Variants in CAMK2A observed in about 807,000 individuals in gnomAD.
CAMK2A encodes the protein calcium/calmodulin-dependent protein kinase type II subunit alpha.
Under a neutral mutation model 79.2 loss-of-function variants are expected in CAMK2A, and 7 were observed. The observed-to-expected ratio is 0.09, with a 90% CI of 0.05 to 0.17. The LOEUF (loss-of-function observed/expected upper bound fraction) is 0.17, where lower values mean the gene tolerates loss of function less well. Among genes scored for constraint, CAMK2A ranks in the 10% least tolerant of loss-of-function variants. CAMK2A has a pLI of 1.00. For synonymous variants in CAMK2A, 242 were observed against 251.7 expected (o/e 0.96, Z 0.36); for missense variants, 214 against 646.4 (o/e 0.33, Z 7.25).
chr5:150,275,302 G>A (rs1345199133), intron 1 of CAMK2A, among the ~76,000 whole-genome samples: 3 of 152,098 alleles, frequency 2.0e-5, no homozygotes, highest in African/African-American at 7.2e-5. Context: ...CCTCTTCCGT[G>A]CTTCCAGAGC....
At chr5:150,257,457 A>G in intron 4 of CAMK2A, 106 bp downstream of exon 4, 2 of 983,942 alleles carry the variant, frequency 2.0e-6, no homozygotes, top group Non-Finnish European at 3.2e-6. Context: ...CATTTGGGGA[A>G]ACTCTGGACC....
Position 150,250,820 on chromosome 5 carries a change from G to T in CAMK2A, c.694-10C>A. The T allele has an allele frequency of 6.2e-7, 1 of 1,613,642 alleles. No individual in the cohort carries two copies. Among genetic ancestry groups the T allele is most frequent in the Non-Finnish European group, 8.5e-7 (1 of 1,179,656 alleles). On this transcript the variant is annotated splice_polypyrimidine_tract_variant and intron_variant, in intron 9 of 18. Coordinates refer to ENST00000671881, the MANE Select transcript of CAMK2A (RefSeq NM_015981.4). ...ATTCCGGCGATGGGAACTGGAAGGG[G>T]CAGAGAGGCCAGGTTTGCCCAGCCT...
chr5:150,288,160 T>C (rs1431711223), intron 1 of CAMK2A, among the ~76,000 whole-genome samples: 2 of 152,034 alleles, frequency 1.3e-5, no homozygotes, highest in Non-Finnish European at 2.9e-5. Context: ...ACCCCAGTCT[T>C]CACGTAGATG....
At chr5:150,278,699 C>T (rs73796395) in intron 1 of CAMK2A, among the ~76,000 whole-genome samples, 35,093 of 150,300 alleles carry the variant, frequency 0.23, 4,262 homozygotes, top group East Asian at 0.38. Context: ...CTGAATTCCT[C>T]GAGGGGTGTA....
In CAMK2A at chr5:150,221,245, A is replaced by T; in HGVS notation, c.*1465T>A. On this transcript the variant is annotated 3_prime_UTR_variant, in exon 19 of 19. Transcript: ENST00000671881. ...GAAAACAGTGCAGACAGTAGATCCTAGTGGATGTGCCAAGGTATTCCACTC... is the reference window on the plus strand; with the variant it reads ...GAAAACAGTGCAGACAGTAGATCCTTGTGGATGTGCCAAGGTATTCCACTC... 1 of 396,502 alleles carries T rather than the reference A, an allele frequency of 2.5e-6. No homozygotes were observed. The highest frequency in any genetic ancestry group is 4.4e-6 in the Non-Finnish European group (1 of 224,992). The allele number at this position is 396,502 out of a possible 1,614,324, so 24.6% of individuals were successfully genotyped here. A position where few individuals can be genotyped will look rare whatever the true frequency, so the allele number is the denominator to read the frequency against.
intron 1 of CAMK2A, among the ~76,000 whole-genome samples, chr5:150,288,296 C>T (rs1757516325): frequency 6.6e-6 from 1 of 152,134 alleles, no homozygotes; most frequent in South Asian, 2.1e-4. Flanking sequence ...CATACATGTG[C>T]ACATTTAATG....
At chr5:150,272,947 C>G in intron 2 of CAMK2A, 118 bp downstream of exon 2, 2 of 746,330 alleles carry the variant, frequency 2.7e-6, no homozygotes, top group Non-Finnish European at 4.7e-6. Flanking sequence ...CAGCCCCCAC[C>G]CCTGCCATAA....
intron 3 of CAMK2A, among the ~76,000 whole-genome samples, chr5:150,260,308 A>C (rs961827000): frequency 2.0e-5 from 3 of 151,960 alleles, no homozygotes; most frequent in Non-Finnish European, 4.4e-5. Flanking sequence ...TACAAAACAA[A>C]ATTAGCCAGG....
chr5:150,274,121 C>T (rs1161083530), intron 1 of CAMK2A, among the ~76,000 whole-genome samples: 1 of 152,208 alleles, frequency 6.6e-6, no homozygotes, highest in Non-Finnish European at 1.5e-5. Context: ...GCTAAAGAGA[C>T]AGGTGGAAAA....
At chr5:150,248,581 C>T (rs866425587) in intron 11 of CAMK2A, among the ~76,000 whole-genome samples, 9 of 147,422 alleles carry the variant, frequency 6.1e-5, no homozygotes, top group East Asian at 2.0e-4. Flanking sequence ...TGAGAACATG[C>T]GCTGTTTGTT....
intron 12 of CAMK2A, among the ~76,000 whole-genome samples, chr5:150,247,387 G>A (rs1020639665): frequency 2.6e-5 from 4 of 152,222 alleles, no homozygotes; most frequent in African/African-American, 9.6e-5. Flanking sequence ...GGAAGCACGG[G>A]ACTGCTTAGC....
At position 150,233,927 on chromosome 5, in the gene CAMK2A, C is replaced by T. The variant is rs138007763; in HGVS notation, c.1067-2547G>A. ...TCGTGGGTTCAAGCGATTCTCCTGC[C>T]TCAGCCTCCTGAGTAGCTGGGATTA... On this transcript the variant is annotated intron_variant, in intron 15 of 18. Transcript: ENST00000671881. Among the ~76,000 whole-genome samples the T allele has an allele frequency of 3.3e-5, 5 of 152,314 alleles. No individual in the cohort carries two copies. The South Asian group carries it at 1.0e-3, about 32-fold the overall frequency.
chr5:150,289,499 C>T (rs548399568), intron 1 of CAMK2A, 65 bp downstream of exon 1: 7 of 1,257,608 alleles, frequency 5.6e-6, no homozygotes, highest in Non-Finnish European at 8.2e-6. Flanking sequence ...GGCACACACA[C>T]CCCACTAGAG....
intron 17 of CAMK2A, among the ~76,000 whole-genome samples, chr5:150,224,943 G>A (rs564941122): frequency 2.0e-5 from 3 of 151,928 alleles, no homozygotes; most frequent in Non-Finnish European, 2.9e-5. Context: ...GGTGGACTGC[G>A]TGAGCCCAGG....
chr5:150,221,201 G>A lies in CAMK2A; in HGVS notation c.*1509C>T. On this transcript the variant is annotated 3_prime_UTR_variant, in exon 19 of 19. Coordinates refer to ENST00000671881, the MANE Select transcript of CAMK2A (RefSeq NM_015981.4). ...TTTGTTTGTTTTCAACATACTTACT[G>A]CGTATAAAGTCATGCAAAGAAAACA... is the stretch of plus-strand genomic sequence containing the variant. The A allele has an allele frequency of 5.2e-6, 2 of 382,132 alleles. No individual in the cohort carries two copies. The highest frequency in any genetic ancestry group is 6.6e-4 in the Middle Eastern group (1 of 1,516). 23.7% of individuals were successfully genotyped at this position (382,132 alleles called of 1,614,324 possible). A position where few individuals can be genotyped will look rare whatever the true frequency, so the allele number is the denominator to read the frequency against.
chr5:150,245,438 C>T, intron 12 of CAMK2A: 1 of 563,026 alleles, frequency 1.8e-6, no homozygotes, highest in Non-Finnish European at 3.2e-6. Flanking sequence ...AAGCGTAACC[C>T]TCTGGCTTCA....
In CAMK2A at chr5:150,284,178, G is replaced by A. The variant is rs1757328740; in HGVS notation, c.62+5386C>T. 6.6e-6 allele frequency among the ~76,000 whole-genome samples: 1 copy of A among 151,892 alleles called. No homozygotes were observed. ...GTGAGACCAGAGAGACAGAGACAGAGTGAGACCAGAGAGATGGAGAGAAGA... is the reference window on the plus strand; with the variant it reads ...GTGAGACCAGAGAGACAGAGACAGAATGAGACCAGAGAGATGGAGAGAAGA... On this transcript the variant is annotated intron_variant, in intron 1 of 18. Coordinates refer to ENST00000671881, the MANE Select transcript of CAMK2A (RefSeq NM_015981.4). This position sits in a 1 kb window ranked among gnomAD's most constrained non-coding sequence, Gnocchi z 5.3.
intron 2 of CAMK2A, among the ~76,000 whole-genome samples, chr5:150,272,858 GA>G (rs1756807304): frequency 6.6e-6 from 1 of 151,818 alleles, no homozygotes; most frequent in Non-Finnish European, 1.5e-5. Flanking sequence ...CTGTCTGGGC[GA>G]GTCTGTGCTC....
In CAMK2A at chr5:150,257,607, A is replaced by G; in HGVS notation, c.228T>C (p.His76=). 1 of 1,569,972 alleles carries G rather than the reference A, an allele frequency of 6.4e-7. No individual in the cohort carries two copies. Among genetic ancestry groups the G allele is most frequent in the South Asian group, 1.2e-5 (1 of 84,974 alleles). ...LLKHPNIVRL[H]DSISEEGHHY... is the part of the protein sequence containing the mutation. ...GGTGTCCCTCCTCTGAGATGCTGTC[A>G]TGTAGTCGGACTGTGGGCGGGGCAA... The change falls in exon 4 of 19, where the codon CAT becomes CAC. Residue 76 remains histidine (H), a synonymous_variant. Transcript: ENST00000671881.
Sources: gnomAD v4.1 joint callset for allele counts (sites outside exome capture counted in the v4.1 genomes callset) on GRCh38, gnomAD v4.1.1 for gene constraint, Gnocchi (gnomAD v3.1) non-coding constraint, MANE v1.5 for transcripts, NCBI Gene and HGNC (gene_info 2026-07-23, HGNC 2026-07-21) for gene names.